Variants in KIAA1549L observed in about 807,000 individuals in gnomAD.
The protein encoded by KIAA1549L is KIAA1549 like, also known as UPF0606 protein KIAA1549L.
A neutral mutation model predicts 160.7 loss-of-function variants in KIAA1549L; 88 were observed. The ratio of observed to expected loss-of-function variants is 0.55; its 90% CI spans 0.46 to 0.65. The LOEUF is 0.65. Ranked by LOEUF, KIAA1549L falls within the 30% of genes least tolerant of loss-of-function variation. KIAA1549L has a pLI of 0.00. For synonymous variants in KIAA1549L, 950 were observed against 976.7 expected (o/e 0.97, Z 0.51); for missense variants, 2,258 against 2,437.5 (o/e 0.93, Z 1.55).
chr11:33,427,978 A>C (rs1404927724), intron 1 of KIAA1549L, among the ~76,000 whole-genome samples: 1 of 152,214 alleles, frequency 6.6e-6, no homozygotes, highest in Non-Finnish European at 1.5e-5. Context: ...GTAATGTTTC[A>C]TTGTATGTAT....
intron 16 of KIAA1549L, among the ~76,000 whole-genome samples, chr11:33,642,726 C>T (rs1334666757): frequency 6.6e-6 from 1 of 151,400 alleles, no homozygotes; most frequent in Non-Finnish European, 1.5e-5. Context: ...TGGAATGAGT[C>T]AGGGTGAACC....
intron 7 of KIAA1549L, among the ~76,000 whole-genome samples, chr11:33,560,607 C>T (rs542266436): frequency 1.2e-4 from 18 of 152,312 alleles, no homozygotes; most frequent in Non-Finnish European, 2.1e-4. Flanking sequence ...TTTGAAGATG[C>T]AGCAGGTTAC....
intron 9 of KIAA1549L, among the ~76,000 whole-genome samples, chr11:33,572,228 G>A (rs1395771932): frequency 6.6e-6 from 1 of 151,826 alleles, no homozygotes; most frequent in Admixed American, 6.6e-5. Flanking sequence ...GTAGAGATGG[G>A]GTTTTGCTAT....
chr11:33,399,740 A>T (rs1217032309), intron 1 of KIAA1549L, among the ~76,000 whole-genome samples: 1 of 152,080 alleles, frequency 6.6e-6, no homozygotes, highest in Non-Finnish European at 1.5e-5. Flanking sequence ...GGCTTTTTTA[A>T]TTTTTTTTAA....
At chr11:33,468,837 T>C (rs767493526) in intron 1 of KIAA1549L, among the ~76,000 whole-genome samples, 101 of 152,208 alleles carry the variant, frequency 6.6e-4, no homozygotes, top group Admixed American at 1.0e-3. Flanking sequence ...CTGGGAGGAA[T>C]GAAGATACTG....
chr11:33,605,832 T>A (rs1850485641), intron 13 of KIAA1549L, among the ~76,000 whole-genome samples: 1 of 152,200 alleles, frequency 6.6e-6, no homozygotes, highest in Admixed American at 6.5e-5. Flanking sequence ...TATAGTTACT[T>A]AATGGGAATA....
At chr11:33,547,708 T>C in intron 3 of KIAA1549L, 56 bp from the exon 4 acceptor site, 1 of 1,114,096 alleles carries the variant, frequency 9.0e-7, no homozygotes, top group East Asian at 2.5e-5. Flanking sequence ...AGAGGGCAAG[T>C]GAATGATGAG....
chr11:33,403,632 C>A (rs1456100505), intron 1 of KIAA1549L: 1 of 152,130 alleles, frequency 6.6e-6, no homozygotes, highest in Non-Finnish European at 1.5e-5. Flanking sequence ...AGACATAACA[C>A]CCACACCTAC....
chr11:33,535,849 C>G (rs1001775041), intron 1 of KIAA1549L, among the ~76,000 whole-genome samples: 1 of 152,062 alleles, frequency 6.6e-6, no homozygotes, highest in African/African-American at 2.4e-5. Flanking sequence ...TTTAAGTTCT[C>G]TGTAATTTGG....
intron 16 of KIAA1549L, among the ~76,000 whole-genome samples, chr11:33,631,959 G>GA (rs978508206): frequency 6.6e-6 from 1 of 152,064 alleles, no homozygotes. Context: ...GCTGAGACTT[G>GA]AAAAAATGGG....
intron 1 of KIAA1549L, among the ~76,000 whole-genome samples, chr11:33,424,355 C>T (rs531111779): frequency 6.6e-6 from 1 of 152,262 alleles, no homozygotes; most frequent in African/African-American, 2.4e-5. Flanking sequence ...CAAGTTCATT[C>T]CTCTCATCAA....
chr11:33,660,344 G>A (rs563430365), intron 19 of KIAA1549L, among the ~76,000 whole-genome samples: 1 of 152,130 alleles, frequency 6.6e-6, no homozygotes. Context: ...TTGGGAGGCC[G>A]AGGCAGGCGG....
At chr11:33,549,696 G>A (rs1242063598) in intron 4 of KIAA1549L, among the ~76,000 whole-genome samples, 4 of 152,196 alleles carry the variant, frequency 2.6e-5, no homozygotes, top group Admixed American at 6.5e-5. Flanking sequence ...AGAATATGGG[G>A]AGAAAGCAGG....
intron 1 of KIAA1549L, among the ~76,000 whole-genome samples, chr11:33,494,711 A>T (rs564491504): frequency 1.3e-5 from 2 of 152,250 alleles, no homozygotes; most frequent in South Asian, 4.1e-4. Context: ...CAAAAGCCAG[A>T]TTTCATTTTG....
chr11:33,563,105 C>T lies in KIAA1549L; in HGVS notation c.4078+1370C>T, dbSNP rs1487272401. 3.3e-5 allele frequency among the ~76,000 whole-genome samples: 5 copies of T among 151,946 alleles called. No homozygotes were observed. The East Asian group carries it at 7.8e-4, about 24-fold the overall frequency. On this transcript the variant is annotated intron_variant, in intron 8 of 20. Coordinates refer to ENST00000658780, the MANE Select transcript of KIAA1549L (RefSeq NM_012194.3). ...GGGTGTGATGGCTCACCCCTGTAAT[C>T]CCAGAACTTTGGGAGGCTGAGACAG...
chr11:33,602,529 A>G (rs1267503270), intron 13 of KIAA1549L, among the ~76,000 whole-genome samples: 1 of 152,248 alleles, frequency 6.6e-6, no homozygotes, highest in Non-Finnish European at 1.5e-5. Context: ...TCCCCATGCC[A>G]GTTCAGACAT....
intron 16 of KIAA1549L, among the ~76,000 whole-genome samples, chr11:33,626,142 A>G (rs1204848914): frequency 3.4e-5 from 5 of 148,588 alleles, no homozygotes; most frequent in African/African-American, 1.0e-4. Context: ...TACCAGTACC[A>G]TGCTGTTTTG....
intron 10 of KIAA1549L, among the ~76,000 whole-genome samples, chr11:33,577,986 T>C (rs1855511782): frequency 6.6e-6 from 1 of 152,190 alleles, no homozygotes; most frequent in Non-Finnish European, 1.5e-5. Flanking sequence ...TCACTGTCTA[T>C]AGTCTTATTC....
At chr11:33,524,517 A>T (rs202112828) in intron 1 of KIAA1549L, among the ~76,000 whole-genome samples, 6 of 151,508 alleles carry the variant, frequency 4.0e-5, no homozygotes, top group Non-Finnish European at 5.9e-5. Context: ...AGAGGAATTT[A>T]CTATTTCTAA....
Sources: allele counts gnomAD v4.1 joint callset (sites outside exome capture counted in the v4.1 genomes callset), GRCh38; gene constraint gnomAD v4.1.1; transcripts MANE v1.5; gene names NCBI Gene and HGNC (gene_info 2026-07-23, HGNC 2026-07-21).